FBXO25: variants seen among roughly 807,000 people sequenced by gnomAD.
The protein encoded by FBXO25 is F-box protein 25.
FBXO25 carries 45 observed loss-of-function variants against 51.9 expected under a neutral mutation model. That is an observed-to-expected ratio of 0.87 (90% CI 0.68 to 1.11). The LOEUF (loss-of-function observed/expected upper bound fraction) is 1.11, where lower values mean the gene tolerates loss of function less well. FBXO25 is among the 50% of genes most tolerant of loss of function. The pLI is 0.00. For synonymous variants in FBXO25, 199 were observed against 151.0 expected, an observed-to-expected ratio of 1.32 and a Z score of -2.33; for missense variants, 507 against 428.5, an observed-to-expected ratio of 1.18 and a Z score of -1.62.
chr8:412,101 C>T (rs960615462), intron 1 of FBXO25, among the ~76,000 whole-genome samples: 2 of 152,166 alleles, frequency 1.3e-5, no homozygotes, highest in African/African-American at 4.8e-5. Flanking sequence ...AAATTGTGAG[C>T]GTCATGAAGT....
Position 450,023 on chromosome 8 carries a change from T to A in FBXO25, c.415T>A (p.Ser139Thr). 1 of 1,612,396 alleles carries A rather than the reference T, an allele frequency of 6.2e-7. No individual in the cohort carries two copies. Among genetic ancestry groups the A allele is most frequent in the Non-Finnish European group, 8.5e-7 (1 of 1,179,430 alleles). The change falls in exon 6 of 10, where the codon TCA (serine) becomes ACA (threonine). Residue 139 changes from serine (S) to threonine (T), a missense_variant. Coordinates refer to ENST00000350302, the MANE Select transcript of FBXO25 (RefSeq NM_183420.2). Reference sequence around the variant, plus strand: ...GCTAATTGCAAAATCCCAGTTAACTTCATTGAGTGGCGTGGCACAGAAGAA... The same window carrying A: ...GCTAATTGCAAAATCCCAGTTAACTACATTGAGTGGCGTGGCACAGAAGAA... The part of the protein sequence containing the change: ...LQLIAKSQLT[S>T]LSGVAQKNYF...
At chr8:444,061 A>G (rs1798593578) in intron 5 of FBXO25, among the ~76,000 whole-genome samples, 1 of 152,170 alleles carries the variant, frequency 6.6e-6, no homozygotes, top group Admixed American at 6.5e-5. Flanking sequence ...TAGAGCAGGG[A>G]TAATAGTAAG....
At position 458,414 on chromosome 8, in the gene FBXO25, C is replaced by T; in HGVS notation, c.706C>T (p.Leu236=). Residue 236 remains leucine, a synonymous_variant, in exon 8 of 10, where the codon CTG becomes TTG. Coordinates refer to ENST00000350302, the MANE Select transcript of FBXO25 (RefSeq NM_183420.2). ...LTLSDLPLHM[L]NNILYRFSDG... Reference sequence around the variant, plus strand: ...CCTCAGTGACCTTCCTCTGCACATGCTGAACAACATCCTATACCGGTTCTC... The same window carrying T: ...CCTCAGTGACCTTCCTCTGCACATGTTGAACAACATCCTATACCGGTTCTC... The T allele has an allele frequency of 6.2e-7, 1 of 1,614,170 alleles. No individual in the cohort carries two copies. Among genetic ancestry groups the T allele is most frequent in the Non-Finnish European group, 8.5e-7 (1 of 1,180,004 alleles).
At chr8:435,251 A>G (rs571994134) in intron 4 of FBXO25, among the ~76,000 whole-genome samples, 3 of 152,188 alleles carry the variant, frequency 2.0e-5, no homozygotes, top group African/African-American at 4.8e-5. Flanking sequence ...TGATTTATGT[A>G]TTTTTAGTTG....
intron 5 of FBXO25, among the ~76,000 whole-genome samples, chr8:438,696 C>G (rs1015166731): frequency 1.3e-5 from 2 of 152,160 alleles, no homozygotes; most frequent in Non-Finnish European, 2.9e-5. Context: ...CTCCTGTGTG[C>G]AGATCAACGT....
Position 475,008 on chromosome 8 carries a change from G to C in FBXO25, c.*6204G>C, listed in dbSNP as rs529174252. The C allele has an allele frequency of 2.1e-4, 85 of 401,200 alleles. No homozygotes were observed. Among genetic ancestry groups the C allele is most frequent in the African/African-American group, 1.4e-3 (69 of 47,828 alleles). The allele number at this position is 401,200 out of a possible 1,614,324, so 24.9% of individuals were successfully genotyped here. ...TTCTTTCTTTTAGTTACCTGTGTGT[G>C]CCTCTGGTGTCATATCTAAGAAATC... On this transcript the variant is annotated 3_prime_UTR_variant, in exon 10 of 10. Transcript: ENST00000350302.
At chr8:416,549 C>A (rs1034475465) in intron 2 of FBXO25, among the ~76,000 whole-genome samples, 2 of 152,156 alleles carry the variant, frequency 1.3e-5, no homozygotes, top group Non-Finnish European at 2.9e-5. Context: ...ATTTTTGTTA[C>A]ATGAGTGGTA....
chr8:473,723 T>G lies in FBXO25; in HGVS notation c.*4919T>G, dbSNP rs377610444. The G allele has an allele frequency of 1.5e-4, 22 of 142,072 alleles. No individual in the cohort carries two copies. The South Asian group carries it at 4.7e-3, about 30-fold the overall frequency. 8.8% of individuals were successfully genotyped at this position (142,072 alleles called of 1,614,324 possible). The stretch of plus-strand genomic sequence containing the variant: ...AGCGTTCACTGAGGATGCGGTTTCT[T>G]TGAAATGCTCTTGTTCTTCCTAAGT... On this transcript the variant is annotated 3_prime_UTR_variant, in exon 10 of 10. Coordinates refer to ENST00000350302, the MANE Select transcript of FBXO25 (RefSeq NM_183420.2).
intron 1 of FBXO25, among the ~76,000 whole-genome samples, chr8:410,484 A>G (rs1011281385): frequency 2.6e-5 from 4 of 151,944 alleles, no homozygotes; most frequent in South Asian, 2.1e-4. Flanking sequence ...ATATTGAGAG[A>G]TAATTTGATA....
chr8:463,041 A>G lies in FBXO25; in HGVS notation c.878A>G (p.His293Arg). The G allele has an allele frequency of 6.2e-7, 1 of 1,613,376 alleles. No homozygotes were observed. Among genetic ancestry groups the G allele is most frequent in the African/African-American group, 1.3e-5 (1 of 75,028 alleles). ...CRHLILSEKG[H>R]IEWKLMYFAL... ...CATTTGATCCTTTCAGAAAAAGGTC[A>G]TATTGAATGGAAGTTGATGTACTTT... Residue 293 changes from histidine to arginine, a missense_variant, in exon 9 of 10, where the codon CAT (histidine) becomes CGT (arginine). Physicochemically the swap from His to Arg is conservative, Grantham distance 29. Transcript: ENST00000350302.
chr8:417,803 T>A (rs1188968234), intron 2 of FBXO25, among the ~76,000 whole-genome samples: 3 of 152,250 alleles, frequency 2.0e-5, no homozygotes, highest in Non-Finnish European at 4.4e-5. Context: ...CATAACTTAT[T>A]TGTCCAGGCT....
At chr8:408,325 TAA>T (rs199946939) in intron 1 of FBXO25, among the ~76,000 whole-genome samples, 4 of 146,590 alleles carry the variant, frequency 2.7e-5, no homozygotes, top group Non-Finnish European at 3.0e-5. Context: ...TAATAGACGG[TAA>T]AAAAAAAAAA....
At chr8:426,623 G>A (rs1797498762) in intron 2 of FBXO25, among the ~76,000 whole-genome samples, 1 of 152,010 alleles carries the variant, frequency 6.6e-6, no homozygotes, top group African/African-American at 2.4e-5. Context: ...CCTGTGCACA[G>A]AGTGTCTGAT....
At chr8:408,673 T>A (rs954427855) in intron 1 of FBXO25, among the ~76,000 whole-genome samples, 2 of 150,904 alleles carry the variant, frequency 1.3e-5, no homozygotes, top group Non-Finnish European at 1.5e-5. Flanking sequence ...AGGAAAGACA[T>A]TTTTTTTTGT....
Position 420,425 on chromosome 8 carries a change from C to G in FBXO25, c.134+7212C>G, listed in dbSNP as rs1256596407. 2.0e-5 allele frequency: 3 copies of G among 152,236 alleles called. No individual in the cohort carries two copies. The East Asian group carries it at 5.8e-4, about 29-fold the overall frequency. 9.4% of individuals were successfully genotyped at this position (152,236 alleles called of 1,614,324 possible). On this transcript the variant is annotated intron_variant, in intron 2 of 9. Coordinates refer to ENST00000350302, the MANE Select transcript of FBXO25 (RefSeq NM_183420.2). Reference sequence around the variant, plus strand: ...TTACACTGCCTTAGGAGCTGGCAGTCTCACTCCTAGGTGTTTACCCAAGGT... The same window carrying G: ...TTACACTGCCTTAGGAGCTGGCAGTGTCACTCCTAGGTGTTTACCCAAGGT...
chr8:440,305 C>G (rs1798349106), intron 5 of FBXO25, among the ~76,000 whole-genome samples: 1 of 152,242 alleles, frequency 6.6e-6, no homozygotes, highest in South Asian at 2.1e-4. Context: ...AGTCTGTACT[C>G]TGTGTTAGCC....
chr8:462,671 C>T (rs1304522562), intron 8 of FBXO25, among the ~76,000 whole-genome samples: 4 of 152,138 alleles, frequency 2.6e-5, no homozygotes, highest in Non-Finnish European at 4.4e-5. Context: ...CATATGTTCT[C>T]AGTTATAAGT....
At chr8:455,705 A>C (rs1475827664) in intron 7 of FBXO25, among the ~76,000 whole-genome samples, 1 of 152,178 alleles carries the variant, frequency 6.6e-6, no homozygotes, top group Non-Finnish European at 1.5e-5. Context: ...AAAGCAAGAG[A>C]AGCAGCAGCA....
chr8:465,596 A>C (rs1800104639), intron 9 of FBXO25, among the ~76,000 whole-genome samples: 1 of 152,218 alleles, frequency 6.6e-6, no homozygotes, highest in South Asian at 2.1e-4. Flanking sequence ...CTTATCTGAA[A>C]TGCCTGGGAC....
Sources: allele counts gnomAD v4.1 joint callset (sites outside exome capture counted in the v4.1 genomes callset), GRCh38; gene constraint gnomAD v4.1.1; transcripts MANE v1.5; gene names NCBI Gene and HGNC (gene_info 2026-07-23, HGNC 2026-07-21).